The following SKA2 variants were observed in gnomAD, a reference collection of about 807,000 sequenced individuals.
The protein encoded by SKA2 is spindle and kinetochore-associated protein 2.
SKA2 carries 13 observed loss-of-function variants against 16.9 expected under a neutral mutation model. The observed-to-expected ratio is 0.77, with a 90% CI of 0.50 to 1.22. The LOEUF (loss-of-function observed/expected upper bound fraction) is 1.22. Among genes scored for constraint, SKA2 ranks in the 50% most tolerant of loss-of-function variants. The probability of loss-of-function intolerance (pLI) is 0.00; values close to 1 mark genes in which losing one functional copy is unlikely to be tolerated. For synonymous variants in SKA2, 47 were observed against 48.5 expected (o/e 0.97, Z 0.13); for missense variants, 107 against 139.7 (o/e 0.77, Z 1.18).
Position 59,119,380 on chromosome 17 carries a change from C to A in SKA2, c.236G>T (p.Cys79Phe). 1 of 1,613,990 alleles carries A rather than the reference C, an allele frequency of 6.2e-7. No individual in the cohort carries two copies. Among genetic ancestry groups the A allele is most frequent in the Non-Finnish European group, 8.5e-7 (1 of 1,179,874 alleles). The change falls in exon 3 of 4, where the codon TGT becomes TTT. Residue 79 changes from cysteine (C) to phenylalanine (F), a missense_variant. By Grantham distance (205) the Cys-to-Phe change is radical. Transcript: ENST00000330137. ...ATTCATAGTCTTTTTCACAGTAGCA[C>A]AAATGCGGCTCTTACTCTCTTTCTG... ...VEQKESKSRICATVKKTMNMI... is the reference protein window; with the variant it reads ...VEQKESKSRIFATVKKTMNMI...
At chr17:59,115,245 C>T (rs1216926749) in intron 3 of SKA2, among the ~76,000 whole-genome samples, 2 of 151,618 alleles carry the variant, frequency 1.3e-5, no homozygotes, top group African/African-American at 2.4e-5. Flanking sequence ...TTAGTAGAGA[C>T]GGGGGTTTCA....
chr17:59,144,649 GAATGA>G (rs1400092121), intron 1 of SKA2, among the ~76,000 whole-genome samples: 4 of 152,150 alleles, frequency 2.6e-5, no homozygotes, highest in Non-Finnish European at 4.4e-5. Context: ...ACATTTTGCT[GAATGA>G]AATAAGCCAA....
At position 59,112,097 on chromosome 17, in the gene SKA2, A is replaced by G. The variant is rs535156670; in HGVS notation, c.*180T>C. 3.4e-6 allele frequency: 2 copies of G among 581,142 alleles called. No individual in the cohort carries two copies. The highest frequency in any genetic ancestry group is 6.2e-6 in the Non-Finnish European group (2 of 323,762). 36.0% of individuals were successfully genotyped at this position (581,142 alleles called of 1,614,324 possible). Reference sequence around the variant, plus strand: ...ATCCTTTTGGCTGAACTTTATTCATATATTATCTGCCCTTCTTCTTATAAT... The same window carrying G: ...ATCCTTTTGGCTGAACTTTATTCATGTATTATCTGCCCTTCTTCTTATAAT... On this transcript the variant is annotated 3_prime_UTR_variant, in exon 4 of 4. Coordinates refer to ENST00000330137, the MANE Select transcript of SKA2 (RefSeq NM_182620.4).
intron 1 of SKA2, 68 bp downstream of exon 1, chr17:59,155,063 G>A (rs1599685571): frequency 1.9e-6 from 3 of 1,613,964 alleles, no homozygotes; most frequent in African/African-American, 1.3e-5. Context: ...ACTCCAAATT[G>A]TGCCCCACCT....
intron 1 of SKA2, among the ~76,000 whole-genome samples, chr17:59,152,567 C>T (rs1218824439): frequency 6.6e-6 from 1 of 151,892 alleles, no homozygotes; most frequent in Non-Finnish European, 1.5e-5. Flanking sequence ...AGGATAAACA[C>T]TTTCTTTTCA....
At chr17:59,118,710 A>C (rs2046312969) in intron 3 of SKA2, among the ~76,000 whole-genome samples, 1 of 152,100 alleles carries the variant, frequency 6.6e-6, no homozygotes, top group Non-Finnish European at 1.5e-5. Context: ...TCTCCTTGTG[A>C]TATAACAGAT....
At chr17:59,150,081 T>C (rs904832929) in intron 1 of SKA2, among the ~76,000 whole-genome samples, 1 of 152,168 alleles carries the variant, frequency 6.6e-6, no homozygotes, top group Non-Finnish European at 1.5e-5. Context: ...GGTGGTTACA[T>C]GACTGTATAC....
intron 1 of SKA2, among the ~76,000 whole-genome samples, chr17:59,148,808 C>CAAAAAAAAAAAAAAAAAAAAAAAA (rs758187008): frequency 2.1e-5 from 1 of 47,582 alleles, no homozygotes; most frequent in African/African-American, 8.0e-5. Flanking sequence ...GACCCTGTCT[C>CAAAAAAAAAAAAAAAAAAAAAAAA]AAAAAAAAAA....
At chr17:59,113,826 C>CAAA (rs1042434540) in intron 3 of SKA2, among the ~76,000 whole-genome samples, 1 of 106,864 alleles carries the variant, frequency 9.4e-6, no homozygotes, top group Non-Finnish European at 2.0e-5. Context: ...AACTCTGTCT[C>CAAA]AAAAAAAAAA....
chr17:59,142,185 A>G (rs930498440), intron 1 of SKA2, among the ~76,000 whole-genome samples: 5 of 151,750 alleles, frequency 3.3e-5, no homozygotes, highest in Non-Finnish European at 4.4e-5. Flanking sequence ...CAATTCTTCT[A>G]TTTTCTTTGA....
In SKA2 at chr17:59,131,597, C is replaced by T. The variant is rs959735600; in HGVS notation, c.34-230G>A. 3.3e-5 allele frequency among the ~76,000 whole-genome samples: 5 copies of T among 152,152 alleles called. No homozygotes were observed. The East Asian group carries it at 7.7e-4, about 23-fold the overall frequency. Reference sequence around the variant, plus strand: ...TAAAGTCATTCATTTCTCTATGCCTCTCTCTTACATTTTGAGCCAAAATCA... The same window carrying T: ...TAAAGTCATTCATTTCTCTATGCCTTTCTCTTACATTTTGAGCCAAAATCA... On this transcript the variant is annotated intron_variant, in intron 1 of 3. Transcript: ENST00000330137.
At chr17:59,152,390 G>C (rs545145548) in intron 1 of SKA2, among the ~76,000 whole-genome samples, 36 of 152,166 alleles carry the variant, frequency 2.4e-4, no homozygotes, top group African/African-American at 8.7e-4. Flanking sequence ...TAAGTGTCTT[G>C]GTGTCAAATC....
Position 59,110,500 on chromosome 17 carries a change from A to G in SKA2, c.*1777T>C, listed in dbSNP as rs1363367076. 1.3e-5 allele frequency: 2 copies of G among 151,774 alleles called. No individual in the cohort carries two copies. The highest frequency in any genetic ancestry group is 4.8e-5 in the African/African-American group (2 of 41,344). The allele number at this position is 151,774 out of a possible 1,614,324, so 9.4% of individuals were successfully genotyped here. A position where few individuals can be genotyped will look rare whatever the true frequency, so the allele number is the denominator to read the frequency against. ...AGGTGTAACTTATTTCTCTGTAATTAAAAAAAAGGGGGCCAGGCACGGTAG... is the reference window on the plus strand; with the variant it reads ...AGGTGTAACTTATTTCTCTGTAATTGAAAAAAAGGGGGCCAGGCACGGTAG... On this transcript the variant is annotated 3_prime_UTR_variant, in exon 4 of 4. Transcript: ENST00000330137.
chr17:59,117,709 G>A (rs754895042), intron 3 of SKA2, among the ~76,000 whole-genome samples: 2 of 151,732 alleles, frequency 1.3e-5, no homozygotes, highest in Non-Finnish European at 2.9e-5. Context: ...ATAGGCATGA[G>A]CCACTGTGCC....
chr17:59,119,554 T>C, intron 2 of SKA2, 59 bp from the exon 3 acceptor site: 1 of 1,463,212 alleles, frequency 6.8e-7, no homozygotes. Context: ...TTTTTAAGAA[T>C]TAAAATACTG....
At chr17:59,112,456 G>A in intron 3 of SKA2, 111 bp from the exon 4 acceptor site, 1 of 720,042 alleles carries the variant, frequency 1.4e-6, no homozygotes, top group Non-Finnish European at 2.2e-6. Flanking sequence ...CTTATACTAT[G>A]TATGTAATCA....
chr17:59,115,231 T>G (rs1489666108), intron 3 of SKA2, among the ~76,000 whole-genome samples: 2 of 151,866 alleles, frequency 1.3e-5, no homozygotes, highest in African/African-American at 4.8e-5. Flanking sequence ...TTTTTTGTAT[T>G]TCTTTAGTAG....
At chr17:59,119,980 C>G (rs996046300) in intron 2 of SKA2, among the ~76,000 whole-genome samples, 3 of 151,284 alleles carry the variant, frequency 2.0e-5, no homozygotes, top group Non-Finnish European at 2.9e-5. Flanking sequence ...GCAATCTCAG[C>G]TCACTGCAAG....
At chr17:59,136,279 C>T (rs1260160529) in intron 1 of SKA2, among the ~76,000 whole-genome samples, 1 of 151,948 alleles carries the variant, frequency 6.6e-6, no homozygotes, top group Non-Finnish European at 1.5e-5. Flanking sequence ...TCTCCTGCCT[C>T]AGCCTCCCAA....
Sources: allele counts gnomAD v4.1 joint callset (sites outside exome capture counted in the v4.1 genomes callset), GRCh38; gene constraint gnomAD v4.1.1; transcripts MANE v1.5; gene names NCBI Gene and HGNC (gene_info 2026-07-23, HGNC 2026-07-21).